The following ZBTB7C variants were observed in gnomAD, a reference collection of about 807,000 sequenced individuals.
The protein encoded by ZBTB7C is zinc finger and BTB domain containing 7C.
ZBTB7C carries 8 observed loss-of-function variants against 25.7 expected under a neutral mutation model. The observed-to-expected ratio is 0.31, with a 90% confidence interval of 0.18 to 0.56. The LOEUF (loss-of-function observed/expected upper bound fraction) is 0.56. Ranked by LOEUF, ZBTB7C falls within the 20% of genes least tolerant of loss-of-function variation. The probability of loss-of-function intolerance (pLI) is 0.91; values close to 1 mark genes in which losing one functional copy is unlikely to be tolerated. For missense variants in ZBTB7C, 824 were observed against 855.2 expected (o/e 0.96, Z 0.46); for synonymous variants, 394 against 369.0 (o/e 1.07, Z -0.78).
intron 3 of ZBTB7C, among the ~76,000 whole-genome samples, chr18:48,175,613 C>T (rs577717111): frequency 3.3e-5 from 5 of 152,236 alleles, no homozygotes; most frequent in South Asian, 2.1e-4. Flanking sequence ...TACCCAGCAA[C>T]GAGCAAACCC....
At chr18:48,179,917 CCTT>C (rs2041850795) in intron 3 of ZBTB7C, among the ~76,000 whole-genome samples, 7 of 134,406 alleles carry the variant, frequency 5.2e-5, no homozygotes, top group East Asian at 2.2e-4. Flanking sequence ...TTCCTCCCTT[CCTT>C]CCTTCCTTCC....
intron 3 of ZBTB7C, among the ~76,000 whole-genome samples, chr18:48,164,876 C>A (rs181552685): frequency 6.6e-6 from 1 of 152,150 alleles, no homozygotes; most frequent in Non-Finnish European, 1.5e-5. Context: ...GCCCCCACCC[C>A]CTACATCCCA....
intron 3 of ZBTB7C, among the ~76,000 whole-genome samples, chr18:48,079,173 C>G (rs6507801): frequency 2.6e-5 from 4 of 151,952 alleles, no homozygotes; most frequent in Non-Finnish European, 4.4e-5. Context: ...TCAGATGGCT[C>G]TCTGCCTTGT....
chr18:48,032,054 G>T (rs1487186057), intron 4 of ZBTB7C, among the ~76,000 whole-genome samples: 1 of 152,174 alleles, frequency 6.6e-6, no homozygotes, highest in Non-Finnish European at 1.5e-5. Context: ...CAGCTAAGCA[G>T]GGCTTTAAAT....
intron 3 of ZBTB7C, among the ~76,000 whole-genome samples, chr18:48,141,153 C>CCCCCCG (rs1195909864): frequency 6.7e-6 from 1 of 148,686 alleles, no homozygotes; most frequent in African/African-American, 2.5e-5. Flanking sequence ...ACCACCCCCC[C>CCCCCCG]CACTGTTCCT....
chr18:48,159,052 G>A lies in ZBTB7C; in HGVS notation c.-17+26882C>T, dbSNP rs555590150. ...CTTCCTCAGCCCCTTTCTCAGAGGC[G>A]ACAGGGGATGCAGAGAGTCAAGTCC... On this transcript the variant is annotated intron_variant, in intron 3 of 4. Coordinates refer to ENST00000590800, the MANE Select transcript of ZBTB7C (RefSeq NM_001318841.2). 7.9e-5 allele frequency among the ~76,000 whole-genome samples: 12 copies of A among 152,198 alleles called. No homozygotes were observed. In the East Asian group the frequency reaches 1.2e-3, roughly 15 times the overall value.
At chr18:48,128,905 T>C (rs924571188) in intron 3 of ZBTB7C, among the ~76,000 whole-genome samples, 1 of 152,144 alleles carries the variant, frequency 6.6e-6, no homozygotes, top group African/African-American at 2.4e-5. Context: ...GTAAGCCCTC[T>C]CTTTCAAATA....
At chr18:48,308,779 C>G (rs1013069277) in intron 2 of ZBTB7C, among the ~76,000 whole-genome samples, 1 of 152,182 alleles carries the variant, frequency 6.6e-6, no homozygotes. Flanking sequence ...GGACCAGCAG[C>G]ATCAGCATCA....
intron 2 of ZBTB7C, among the ~76,000 whole-genome samples, chr18:48,206,951 T>A (rs2042589515): frequency 6.6e-6 from 1 of 152,034 alleles, no homozygotes; most frequent in South Asian, 2.1e-4. Flanking sequence ...AGAAGATATG[T>A]GACAGAGAAA....
chr18:48,405,642 C>A (rs1377143655), intron 1 of ZBTB7C, among the ~76,000 whole-genome samples: 3 of 152,202 alleles, frequency 2.0e-5, no homozygotes, highest in Non-Finnish European at 2.9e-5. Context: ...TCCCCTAGGG[C>A]AGCTGGCACT....
chr18:48,098,459 C>T (rs536359822), intron 3 of ZBTB7C, among the ~76,000 whole-genome samples: 1 of 152,274 alleles, frequency 6.6e-6, no homozygotes, highest in Admixed American at 6.5e-5. Flanking sequence ...TCCTCTGCCT[C>T]CCAGTTCCCT....
At chr18:48,240,145 T>A (rs2043485248) in intron 2 of ZBTB7C, among the ~76,000 whole-genome samples, 1 of 151,934 alleles carries the variant, frequency 6.6e-6, no homozygotes. Flanking sequence ...GGCTTCTGAA[T>A]TAACCCAATC....
intron 3 of ZBTB7C, among the ~76,000 whole-genome samples, chr18:48,156,463 C>T (rs2040843747): frequency 6.6e-6 from 1 of 152,190 alleles, no homozygotes; most frequent in Admixed American, 6.5e-5. Flanking sequence ...TCAGTTAGAG[C>T]TTGTCTGTGA....
chr18:48,028,964 G>T lies in ZBTB7C; in HGVS notation c.*296C>A. ...ACTCACCCAGCTCCTAAGTGCCCCT[G>T]GGCACCCAGTTCTTTGTGGCATGGG... On this transcript the variant is annotated 3_prime_UTR_variant, in exon 5 of 5. Transcript: ENST00000590800. 2.5e-6 allele frequency: 1 copy of T among 397,846 alleles called. No homozygotes were observed. Among genetic ancestry groups the T allele is most frequent in the Non-Finnish European group, 4.4e-6 (1 of 226,460 alleles). The allele number at this position is 397,846 out of a possible 1,614,324, so 24.6% of individuals were successfully genotyped here. A position where few individuals can be genotyped will look rare whatever the true frequency, so the allele number is the denominator to read the frequency against.
intron 2 of ZBTB7C, among the ~76,000 whole-genome samples, chr18:48,289,557 T>C (rs114193194): frequency 0.1 from 14,541 of 144,392 alleles, 830 homozygotes; most frequent in South Asian, 0.18. Context: ...TCATTCAATA[T>C]ATATTTATTA....
At chr18:48,359,920 T>C (rs2047064309) in intron 1 of ZBTB7C, among the ~76,000 whole-genome samples, 1 of 152,194 alleles carries the variant, frequency 6.6e-6, no homozygotes, top group African/African-American at 2.4e-5. Context: ...CAGAAAAGCA[T>C]ACAGCACATT....
At chr18:48,389,554 ACC>A (rs2047850243) in intron 1 of ZBTB7C, among the ~76,000 whole-genome samples, 1 of 150,672 alleles carries the variant, frequency 6.6e-6, no homozygotes, top group Non-Finnish European at 1.5e-5. Flanking sequence ...ACAGGAAAAC[ACC>A]AATAAATGGT....
chr18:48,410,636 C>T (rs2048375021), upstream of ZBTB7C: 1 of 152,666 alleles, frequency 6.6e-6, no homozygotes, highest in South Asian at 2.1e-4. Flanking sequence ...GATGTTCCCT[C>T]CAGCTACGGG....
chr18:48,367,741 T>C (rs1056803499), intron 1 of ZBTB7C, among the ~76,000 whole-genome samples: 1 of 151,650 alleles, frequency 6.6e-6, no homozygotes, highest in African/African-American at 2.4e-5. Context: ...CCTGCTGGGA[T>C]GGTGTCAGAG....
Sources: gnomAD v4.1 joint callset for allele counts (sites outside exome capture counted in the v4.1 genomes callset) on GRCh38, gnomAD v4.1.1 for gene constraint, MANE v1.5 for transcripts, NCBI Gene and HGNC (gene_info 2026-07-23, HGNC 2026-07-21) for gene names.